GALNTL6: variants seen among roughly 807,000 people sequenced by gnomAD.
GALNTL6 encodes the protein polypeptide N-acetylgalactosaminyltransferase like 6.
A neutral mutation model predicts 73.7 loss-of-function variants in GALNTL6; 46 were observed. The ratio of observed to expected loss-of-function variants is 0.62; its 90% CI spans 0.49 to 0.80. The LOEUF is 0.80. Ranked by LOEUF, GALNTL6 falls within the 30% of genes least tolerant of loss-of-function variation. The pLI is 0.00. For missense variants in GALNTL6, 604 were observed against 755.0 expected, an observed-to-expected ratio of 0.80 and a Z score of 2.34; for synonymous variants, 259 against 263.7, an observed-to-expected ratio of 0.98 and a Z score of 0.17.
intron 10 of GALNTL6, among the ~76,000 whole-genome samples, chr4:172,984,382 C>T (rs1023024708): frequency 2.6e-5 from 4 of 152,180 alleles, no homozygotes; most frequent in Admixed American, 6.5e-5. Context: ...GGAGAACTCA[C>T]TCACTATAAC....
intron 5 of GALNTL6, among the ~76,000 whole-genome samples, chr4:172,759,728 G>T (rs1303028341): frequency 1.3e-5 from 2 of 150,672 alleles, no homozygotes; most frequent in Non-Finnish European, 2.9e-5. Context: ...GACTTTCTTA[G>T]GATATTACAC....
At chr4:172,393,298 A>G (rs59775899) in intron 5 of GALNTL6, among the ~76,000 whole-genome samples, 3,729 of 152,262 alleles carry the variant, frequency 0.024, 156 homozygotes, top group African/African-American at 0.084. Context: ...ACTTCTAGGA[A>G]CTGGGCAACA....
chr4:172,209,202 A>G (rs749263532), intron 2 of GALNTL6, among the ~76,000 whole-genome samples: 1 of 152,224 alleles, frequency 6.6e-6, no homozygotes, highest in East Asian at 1.9e-4. Context: ...TCTCAAAATT[A>G]TATGGAAAAC....
intron 5 of GALNTL6, among the ~76,000 whole-genome samples, chr4:172,648,075 C>T (rs905950085): frequency 2.6e-5 from 4 of 152,022 alleles, no homozygotes; most frequent in African/African-American, 9.7e-5. Flanking sequence ...GTGTGGGCTC[C>T]GGCATGGGTA....
In GALNTL6 at chr4:171,814,648, C is replaced by T. The variant is rs1291442923; in HGVS notation, c.68C>T (p.Pro23Leu). The T allele has an allele frequency of 6.2e-7, 1 of 1,614,046 alleles. No individual in the cohort carries two copies. Among genetic ancestry groups the T allele is most frequent in the Non-Finnish European group, 8.5e-7 (1 of 1,179,986 alleles). The stretch of plus-strand genomic sequence containing the variant: ...TTCACGGTGGCTTTAATTTTCCTGC[C>T]TAACGTTGGTCTCTGGTCTCTGTAC... ...LLFTVALIFL[P>L]NVGLWSLYKD... Residue 23 changes from proline to leucine, a missense_variant, in exon 2 of 13, where the codon CCT (proline) becomes CTT (leucine). This residue lies in a region of GALNTL6 where 141 missense variants were observed against 156.6 expected (regional missense o/e 0.90). Coordinates refer to ENST00000506823, the MANE Select transcript of GALNTL6 (RefSeq NM_001034845.3).
At chr4:172,415,899 G>A (rs983337614) in intron 5 of GALNTL6, among the ~76,000 whole-genome samples, 4 of 152,192 alleles carry the variant, frequency 2.6e-5, no homozygotes, top group East Asian at 1.9e-4. Flanking sequence ...TAACATAACT[G>A]GTTAGGTCAG....
At chr4:171,880,813 TAA>T (rs968551254) in intron 2 of GALNTL6, among the ~76,000 whole-genome samples, 1 of 151,788 alleles carries the variant, frequency 6.6e-6, no homozygotes, top group East Asian at 1.9e-4. Flanking sequence ...ATTTATTACT[TAA>T]AAAAAAGAAA....
intron 2 of GALNTL6, among the ~76,000 whole-genome samples, chr4:171,906,012 A>G (rs1162738519): frequency 1.3e-5 from 2 of 152,038 alleles, no homozygotes; most frequent in Admixed American, 1.3e-4. Context: ...AGGGAAATTT[A>G]TAGCACTAAA....
intron 2 of GALNTL6, among the ~76,000 whole-genome samples, chr4:171,938,858 G>A (rs987296624): frequency 6.6e-6 from 1 of 152,138 alleles, no homozygotes; most frequent in Non-Finnish European, 1.5e-5. Context: ...GCTTATGGGT[G>A]TGTAGGCTGC....
At chr4:172,096,538 TA>T (rs112060285) in intron 2 of GALNTL6, among the ~76,000 whole-genome samples, 286 of 149,388 alleles carry the variant, frequency 1.9e-3, no homozygotes, top group African/African-American at 6.1e-3. Context: ...GCCCTTTTTA[TA>T]AAAAAAAAAC....
At chr4:171,903,166 C>T (rs1454652289) in intron 2 of GALNTL6, among the ~76,000 whole-genome samples, 7 of 152,126 alleles carry the variant, frequency 4.6e-5, no homozygotes, top group Admixed American at 1.3e-4. Context: ...GGAACAGCTC[C>T]GGTCTGCAGC....
intron 5 of GALNTL6, among the ~76,000 whole-genome samples, chr4:172,576,749 C>A (rs1373872242): frequency 6.6e-6 from 1 of 152,118 alleles, no homozygotes; most frequent in African/African-American, 2.4e-5. Flanking sequence ...TAACTACTAT[C>A]ACTAAGAAAA....
At chr4:172,301,677 A>G (rs1392798325) in intron 3 of GALNTL6, among the ~76,000 whole-genome samples, 1 of 152,160 alleles carries the variant, frequency 6.6e-6, no homozygotes, top group Non-Finnish European at 1.5e-5. Flanking sequence ...AGGCTGCAGA[A>G]CAGCAGATAT....
At chr4:171,908,805 T>C (rs962489829) in intron 2 of GALNTL6, among the ~76,000 whole-genome samples, 17 of 151,314 alleles carry the variant, frequency 1.1e-4, no homozygotes, top group African/African-American at 3.9e-4. Context: ...CATGGAATAC[T>C]ATGCAGCCAT....
chr4:172,363,592 A>G (rs992554335), intron 5 of GALNTL6, among the ~76,000 whole-genome samples: 3 of 152,124 alleles, frequency 2.0e-5, no homozygotes, highest in African/African-American at 4.8e-5. Context: ...AGTACCCTCA[A>G]TCAATACCAT....
intron 8 of GALNTL6, among the ~76,000 whole-genome samples, chr4:172,885,882 A>G (rs927802202): frequency 2.0e-5 from 3 of 152,202 alleles, no homozygotes; most frequent in South Asian, 2.1e-4. Flanking sequence ...ACGTTGAACC[A>G]TCTTTGCATC....
At chr4:172,874,334 CA>C (rs1234039504) in intron 7 of GALNTL6, among the ~76,000 whole-genome samples, 3 of 152,118 alleles carry the variant, frequency 2.0e-5, no homozygotes, top group Non-Finnish European at 4.4e-5. Flanking sequence ...AATGTGGAAA[CA>C]GATAGACTAG....
chr4:171,969,248 C>T (rs1400512659), intron 2 of GALNTL6, among the ~76,000 whole-genome samples: 1 of 152,160 alleles, frequency 6.6e-6, no homozygotes, highest in African/African-American at 2.4e-5. Context: ...TGCTATAAGA[C>T]TCTGTTTAGA....
intron 4 of GALNTL6, among the ~76,000 whole-genome samples, chr4:172,346,765 G>T (rs762025774): frequency 2.0e-4 from 30 of 152,106 alleles, no homozygotes; most frequent in Non-Finnish European, 3.5e-4. Context: ...GTGAATGAAT[G>T]AATGAATAGA....
Sources: allele counts gnomAD v4.1 joint callset (sites outside exome capture counted in the v4.1 genomes callset), GRCh38; gene constraint gnomAD v4.1.1; regional missense constraint gnomAD v4.1.1; transcripts MANE v1.5; gene names NCBI Gene and HGNC (gene_info 2026-07-23, HGNC 2026-07-21).